The following EML6 variants were observed in gnomAD, a reference collection of about 807,000 sequenced individuals.
The protein encoded by EML6 is EMAP like 6, also known as echinoderm microtubule-associated protein-like 6.
In EML6, 154 loss-of-function variants were observed where a neutral mutation model predicts 240.1. The observed-to-expected ratio is 0.64, with a 90% CI of 0.56 to 0.73. The LOEUF is 0.73. EML6 is among the 30% of genes least tolerant of loss of function. The pLI, the probability that EML6 is intolerant of heterozygous loss-of-function variation, is 0.00. For missense variants in EML6, 2,964 were observed against 2,474.6 expected (o/e 1.20, Z -4.20); for synonymous variants, 1,148 against 899.0 (o/e 1.28, Z -4.95).
chr2:54,823,462 T>C lies in EML6; in HGVS notation c.525+3000T>C, dbSNP rs545993729. Among the ~76,000 whole-genome samples, 16 of 152,278 alleles carry C rather than the reference T, an allele frequency of 1.1e-4. No individual in the cohort carries two copies. In the East Asian group the frequency reaches 2.7e-3, roughly 26 times the overall value. On this transcript the variant is annotated intron_variant, in intron 5 of 41. Coordinates refer to ENST00000356458, the MANE Select transcript of EML6 (RefSeq NM_001039753.4). ...CACCAAAGAACCTATTCCATAGTTT[T>C]TTTTAGGGAACAAATATTTTGAAAG...
intron 11 of EML6, among the ~76,000 whole-genome samples, chr2:54,855,511 C>A (rs1238369106): frequency 7.4e-6 from 1 of 135,354 alleles, no homozygotes; most frequent in Non-Finnish European, 1.5e-5. Flanking sequence ...GAGGTTTGAG[C>A]AGGGACACAT....
At chr2:54,945,353 T>A (rs1482417451) in intron 28 of EML6, among the ~76,000 whole-genome samples, 6 of 143,724 alleles carry the variant, frequency 4.2e-5, no homozygotes, top group Admixed American at 2.8e-4. Flanking sequence ...CATTGGAGCA[T>A]TTTATGCCAC....
At chr2:54,911,771 A>C (rs905840575) in intron 25 of EML6, among the ~76,000 whole-genome samples, 1 of 152,194 alleles carries the variant, frequency 6.6e-6, no homozygotes, top group African/African-American at 2.4e-5. Flanking sequence ...ACAATCTGCA[A>C]TCTGACCATT....
chr2:54,781,784 T>C (rs1668867704), intron 2 of EML6, among the ~76,000 whole-genome samples: 1 of 152,096 alleles, frequency 6.6e-6, no homozygotes, highest in Non-Finnish European at 1.5e-5. Context: ...ATCCTCCCAC[T>C]TCAGCCTCTC....
intron 32 of EML6, 101 bp from the exon 33 acceptor site, chr2:54,957,689 A>G (rs1676294906): frequency 9.8e-7 from 1 of 1,015,586 alleles, no homozygotes; most frequent in South Asian, 1.4e-5. Flanking sequence ...GAACTGAGGC[A>G]TGGCTTACGC....
Position 54,903,444 on chromosome 2 carries a change from G to A in EML6, c.3351G>A (p.Arg1117=). Residue 1117 remains arginine, a synonymous_variant, in exon 24 of 42, where the codon AGG becomes AGA. Transcript: ENST00000356458. ...TTTACAACGTACTTACAAGCAAAAG[G>A]GTTGGCATCTGTAAAGGTGCTTCTA... ...VDIYNVLTSK[R]VGICKGASSY... The A allele has an allele frequency of 6.4e-7, 1 of 1,551,908 alleles. No homozygotes were observed. The highest frequency in any genetic ancestry group is 1.2e-5 in the South Asian group (1 of 84,050).
chr2:54,799,368 CTAT>C (rs1183313912), intron 2 of EML6, among the ~76,000 whole-genome samples: 1 of 151,378 alleles, frequency 6.6e-6, no homozygotes, highest in Non-Finnish European at 1.5e-5. Flanking sequence ...GCCTTTATTA[CTAT>C]TTTTTTTTAA....
At chr2:54,922,668 A>T (rs935119044) in intron 26 of EML6, among the ~76,000 whole-genome samples, 4 of 152,210 alleles carry the variant, frequency 2.6e-5, no homozygotes, top group African/African-American at 7.2e-5. Flanking sequence ...TGAATGGATA[A>T]GGAAATTATT....
At chr2:54,934,314 A>G (rs9309261) in intron 28 of EML6, among the ~76,000 whole-genome samples, 48,848 of 151,758 alleles carry the variant, frequency 0.32, 8,157 homozygotes, top group Middle Eastern at 0.36. Context: ...CTCATGGGAA[A>G]ATTTGTATCC....
At chr2:54,852,951 C>T (rs938175985) in intron 10 of EML6, among the ~76,000 whole-genome samples, 1 of 152,222 alleles carries the variant, frequency 6.6e-6, no homozygotes, top group Non-Finnish European at 1.5e-5. Flanking sequence ...GGGCCATCCC[C>T]ATTTGGGAAT....
At chr2:54,916,701 T>C (rs972219883) in intron 25 of EML6, 58 bp from the exon 26 acceptor site, 15 of 1,380,788 alleles carry the variant, frequency 1.1e-5, no homozygotes, top group Non-Finnish European at 1.5e-5. Context: ...AAACTGTTTC[T>C]TTTAAATAAA....
At chr2:54,915,071 T>C (rs992725507) in intron 25 of EML6, among the ~76,000 whole-genome samples, 3 of 152,188 alleles carry the variant, frequency 2.0e-5, no homozygotes, top group Admixed American at 6.5e-5. Context: ...AGGGATCCCT[T>C]GAGGACTCTC....
intron 17 of EML6, among the ~76,000 whole-genome samples, chr2:54,889,847 T>G (rs1030363472): frequency 6.6e-6 from 1 of 152,234 alleles, no homozygotes; most frequent in Admixed American, 6.5e-5. Flanking sequence ...GGGAATGCCA[T>G]TAAGTAACAG....
At position 54,892,686 on chromosome 2, in the gene EML6, C is replaced by T. The variant is rs183578366; in HGVS notation, c.2742+30C>T. On this transcript the variant is annotated intron_variant, in intron 19 of 41. Transcript: ENST00000356458. ...GGCCTGTGTATCAGCATTCATTTTC[C>T]TCATCAGCCTTCTAAAATTATAAGG... 9.5e-4 allele frequency: 1,438 copies of T among 1,510,576 alleles called. 1 individual carries two copies. The highest frequency in any genetic ancestry group is 1.2e-3 in the Non-Finnish European group (1,361 of 1,116,228). 93.6% of individuals were successfully genotyped at this position (1,510,576 alleles called of 1,614,324 possible). A position where few individuals can be genotyped will look rare whatever the true frequency, so the allele number is the denominator to read the frequency against.
At chr2:54,922,139 G>A (rs1441325013) in intron 26 of EML6, among the ~76,000 whole-genome samples, 1 of 152,018 alleles carries the variant, frequency 6.6e-6, no homozygotes, top group African/African-American at 2.4e-5. Flanking sequence ...CCTATCAAAT[G>A]GGAAAAATAA....
intron 5 of EML6, among the ~76,000 whole-genome samples, chr2:54,826,516 C>T (rs1011172323): frequency 6.6e-5 from 10 of 152,210 alleles, no homozygotes; most frequent in African/African-American, 2.4e-4. Context: ...AGGAGAATCG[C>T]TTGAACCCAG....
chr2:54,739,877 G>C (rs1334927439), intron 2 of EML6, among the ~76,000 whole-genome samples: 1 of 152,238 alleles, frequency 6.6e-6, no homozygotes, highest in Non-Finnish European at 1.5e-5. Flanking sequence ...AATTGTGGTA[G>C]AATGCAAAGA....
chr2:54,789,468 T>C (rs550307684), intron 2 of EML6, among the ~76,000 whole-genome samples: 53 of 125,672 alleles, frequency 4.2e-4, no homozygotes, highest in African/African-American at 1.2e-3. Context: ...GAGCCGAGAT[T>C]ACGCCACTGC....
At chr2:54,961,184 GTTTTT>G (rs575621987) in intron 35 of EML6, among the ~76,000 whole-genome samples, 1 of 55,424 alleles carries the variant, frequency 1.8e-5, no homozygotes, top group African/African-American at 8.1e-5. Context: ...TCAGGAAGTA[GTTTTT>G]TTTTTTTTTT....
Sources: gnomAD v4.1 joint callset for allele counts (sites outside exome capture counted in the v4.1 genomes callset) on GRCh38, gnomAD v4.1.1 for gene constraint, MANE v1.5 for transcripts, NCBI Gene and HGNC (gene_info 2026-07-23, HGNC 2026-07-21) for gene names.